The following HERC3 variants were observed in gnomAD, a reference collection of about 807,000 sequenced individuals.
The protein encoded by HERC3 is probable E3 ubiquitin-protein ligase HERC3.
In HERC3, 58 loss-of-function variants were observed where a neutral mutation model predicts 129.9. That is an observed-to-expected ratio of 0.45 (90% CI 0.36 to 0.56). The LOEUF is 0.56. Among genes scored for constraint, HERC3 ranks in the 20% least tolerant of loss-of-function variants. HERC3 has a pLI of 0.00. For synonymous variants in HERC3, 430 were observed against 451.0 expected (o/e 0.95, Z 0.59); for missense variants, 835 against 1,244.2 (o/e 0.67, Z 4.95).
At chr4:88,703,966 C>T in intron 23 of HERC3, 132 bp from the exon 24 acceptor site, 1 of 800,302 alleles carries the variant, frequency 1.2e-6, no homozygotes, top group Non-Finnish European at 2.0e-6. Context: ...TATATGATGC[C>T]TTAGGATGCC....
chr4:88,533,108 C>A, the HERC3 span, among the ~76,000 whole-genome samples: 2 of 152,162 alleles, frequency 1.3e-5, no homozygotes, highest in Non-Finnish European at 2.9e-5. Flanking sequence ...GAATCCCTGG[C>A]GATCCACTGA....
At chr4:88,602,398 T>A (rs1723096370) in intron 2 of HERC3, among the ~76,000 whole-genome samples, 1 of 116,224 alleles carries the variant, frequency 8.6e-6, no homozygotes, top group Admixed American at 1.0e-4. Context: ...CGAGACTTGG[T>A]CTCCAAAAAA....
In HERC3 at chr4:88,680,098, C is replaced by A. The variant is rs1435958851; in HGVS notation, c.2202C>A (p.Ile734=). The change falls in exon 20 of 26, where the codon ATC becomes ATA. Residue 734 remains isoleucine (I), a synonymous_variant. Transcript: ENST00000402738. The part of the protein sequence containing the change: ...DIDLKKPLKV[I]FDGEEAVDAG... The stretch of plus-strand genomic sequence containing the variant: ...TTCTATTCTATTATTTTAAGGTAAT[C>A]TTTGATGGTGAAGAAGCAGTGGATG... 8 of 1,609,454 alleles carry A rather than the reference C, an allele frequency of 5.0e-6. No individual in the cohort carries two copies. The highest frequency in any genetic ancestry group is 6.8e-6 in the Non-Finnish European group (8 of 1,178,492).
In HERC3 at chr4:88,658,361, A is replaced by G. The variant is rs1019353046; in HGVS notation, c.1070-54A>G. The G allele has an allele frequency of 7.3e-6, 7 of 953,368 alleles. No individual in the cohort carries two copies. In the African/African-American group the frequency reaches 8.2e-5, roughly 11 times the overall value. The allele number at this position is 953,368 out of a possible 1,614,324, so 59.1% of individuals were successfully genotyped here. A position where few individuals can be genotyped will look rare whatever the true frequency, so the allele number is the denominator to read the frequency against. Reference sequence around the variant, plus strand: ...TTCTGCGACAGTAGAAAAGGGGATCAAGGAGAAACTTCAATTAATGAAAAA... The same window carrying G: ...TTCTGCGACAGTAGAAAAGGGGATCGAGGAGAAACTTCAATTAATGAAAAA... On this transcript the variant is annotated intron_variant, in intron 9 of 25. Transcript: ENST00000402738.
At chr4:88,703,080 A>G (rs1163756321) in intron 23 of HERC3, among the ~76,000 whole-genome samples, 1 of 152,176 alleles carries the variant, frequency 6.6e-6, no homozygotes, top group African/African-American at 2.4e-5. Context: ...CCAGGATGTG[A>G]TTAATAATCA....
chr4:88,575,667 A>G, the HERC3 span, among the ~76,000 whole-genome samples: 1 of 152,252 alleles, frequency 6.6e-6, no homozygotes, highest in Non-Finnish European at 1.5e-5. Context: ...TAGAATGTTC[A>G]TATTTGTAGA....
intron 9 of HERC3, chr4:88,656,987 TA>T (rs1443937630): frequency 1.3e-5 from 2 of 152,212 alleles, no homozygotes; most frequent in Non-Finnish European, 1.5e-5. Flanking sequence ...GATTTCTTTT[TA>T]AGCCATTTTT....
At chr4:88,631,687 A>G (rs1400394852) in intron 3 of HERC3, among the ~76,000 whole-genome samples, 1 of 152,206 alleles carries the variant, frequency 6.6e-6, no homozygotes, top group Non-Finnish European at 1.5e-5. Context: ...GATTAAACCC[A>G]TATTTAGTTT....
the HERC3 span, among the ~76,000 whole-genome samples, chr4:88,558,071 CAAAAAAAAAAAAA>C: frequency 2.6e-5 from 1 of 39,156 alleles, no homozygotes; most frequent in African/African-American, 6.1e-5. Context: ...GACTCTGACT[CAAAAAAAAAAAAA>C]AAAAAAAAAA....
At chr4:88,659,499 A>G (rs553313700) in intron 10 of HERC3, among the ~76,000 whole-genome samples, 32 of 152,356 alleles carry the variant, frequency 2.1e-4, no homozygotes, top group Non-Finnish European at 3.7e-4. Context: ...AAAGCTGATG[A>G]TTAGCTATTT....
chr4:88,698,797 C>G (rs1296912770), intron 23 of HERC3, among the ~76,000 whole-genome samples: 1 of 147,844 alleles, frequency 6.8e-6, no homozygotes, highest in Non-Finnish European at 1.5e-5. Context: ...TTCTGCCCAT[C>G]TTCTTCCCCG....
At chr4:88,617,201 A>AAG (rs1560680258) in intron 3 of HERC3, among the ~76,000 whole-genome samples, 1 of 135,868 alleles carries the variant, frequency 7.4e-6, no homozygotes, top group Non-Finnish European at 1.5e-5. Flanking sequence ...AAAAAAAAAA[A>AAG]GAAATTGAGA....
At chr4:88,583,042 G>A in the HERC3 span, among the ~76,000 whole-genome samples, 2 of 152,062 alleles carry the variant, frequency 1.3e-5, no homozygotes, top group Non-Finnish European at 2.9e-5. Flanking sequence ...TATTTCAGCA[G>A]ACTCAATTAC....
At chr4:88,562,503 G>A in the HERC3 span, among the ~76,000 whole-genome samples, 2 of 151,978 alleles carry the variant, frequency 1.3e-5, no homozygotes, top group African/African-American at 4.8e-5. Context: ...TTTTTAACTT[G>A]ATGTGATCCC....
the HERC3 span, among the ~76,000 whole-genome samples, chr4:88,572,094 G>A: frequency 6.6e-6 from 1 of 152,094 alleles, no homozygotes; most frequent in Non-Finnish European, 1.5e-5. Flanking sequence ...ACAGGGAGAA[G>A]AGGGCCACAT....
At chr4:88,663,447 C>T (rs1730714864) in intron 11 of HERC3, among the ~76,000 whole-genome samples, 1 of 152,158 alleles carries the variant, frequency 6.6e-6, no homozygotes, top group Non-Finnish European at 1.5e-5. Context: ...ACCATTAGTT[C>T]TCTGTTTTCT....
Position 88,704,237 on chromosome 4 carries a change from A to G in HERC3, c.2797A>G (p.Met933Val), listed in dbSNP as rs61750820. Residue 933 changes from methionine (M) to valine (V), a missense_variant, in exon 24 of 26, where the codon ATG becomes GTG. Coordinates refer to ENST00000402738, the MANE Select transcript of HERC3 (RefSeq NM_014606.3). ...CTTCCAGCCTTCAGAACTGAGGGCT[A>G]TGATGGTGGGGAACAGCAACTACAA... The part of the protein sequence containing the change: ...ELFQPSELRA[M>V]MVGNSNYNWE... 9.3e-6 allele frequency: 15 copies of G among 1,613,994 alleles called. No individual in the cohort carries two copies. Among genetic ancestry groups the G allele is most frequent in the South Asian group, 2.2e-5 (2 of 91,084 alleles).
At chr4:88,640,828 A>AACTT (rs2149256348) in intron 3 of HERC3, among the ~76,000 whole-genome samples, 1 of 152,346 alleles carries the variant, frequency 6.6e-6, no homozygotes, top group African/African-American at 2.4e-5. Context: ...TTGAAACAAA[A>AACTT]ACTTACAGAA....
At chr4:88,697,184 T>C (rs780301439) in intron 23 of HERC3, 1 of 1,480,808 alleles carries the variant, frequency 6.8e-7, no homozygotes. Context: ...GTGGGCTTTC[T>C]CTTCATCCAT....
Sources: allele counts gnomAD v4.1 joint callset (sites outside exome capture counted in the v4.1 genomes callset), GRCh38; gene constraint gnomAD v4.1.1; transcripts MANE v1.5; gene names NCBI Gene and HGNC (gene_info 2026-07-23, HGNC 2026-07-21).